The following FBXL13 variants were observed in gnomAD, a reference collection of about 807,000 sequenced individuals.
FBXL13 encodes the protein F-box and leucine rich repeat protein 13.
In FBXL13, 67 loss-of-function variants were observed where a neutral mutation model predicts 83.6. That is an observed-to-expected ratio of 0.80 (90% CI 0.66 to 0.98). The LOEUF (loss-of-function observed/expected upper bound fraction) is 0.98, where lower values mean the gene tolerates loss of function less well. FBXL13 is among the 50% of genes least tolerant of loss of function. The pLI, the probability that FBXL13 is intolerant of heterozygous loss-of-function variation, is 0.00. For synonymous variants in FBXL13, 272 were observed against 299.5 expected, an observed-to-expected ratio of 0.91 and a Z score of 0.95; for missense variants, 822 against 866.5, an observed-to-expected ratio of 0.95 and a Z score of 0.64.
intron 16 of FBXL13, among the ~76,000 whole-genome samples, chr7:102,867,695 A>ATATATATATTT (rs1239781180): frequency 4.1e-5 from 2 of 49,078 alleles, no homozygotes; most frequent in African/African-American, 2.4e-4. Context: ...ATATATATAT[A>ATATATATATTT]TTTTTTTTTT....
chr7:102,923,046 AT>A (rs980241879), intron 10 of FBXL13, among the ~76,000 whole-genome samples: 30 of 152,150 alleles, frequency 2.0e-4, no homozygotes, highest in Admixed American at 2.6e-4. Context: ...TCCAATATGA[AT>A]TTTTTTATTA....
chr7:103,006,778 C>T (rs954253726), intron 6 of FBXL13, among the ~76,000 whole-genome samples: 3 of 151,664 alleles, frequency 2.0e-5, no homozygotes, highest in Admixed American at 6.6e-5. Flanking sequence ...AATAGAAACA[C>T]ACAGAGAAAT....
intron 8 of FBXL13, among the ~76,000 whole-genome samples, chr7:102,932,194 C>A (rs1288958651): frequency 6.6e-6 from 1 of 152,130 alleles, no homozygotes; most frequent in Non-Finnish European, 1.5e-5. Flanking sequence ...GGGAAAAACA[C>A]TATATACTTA....
At chr7:102,885,402 A>G (rs541590006) in intron 11 of FBXL13, among the ~76,000 whole-genome samples, 1 of 150,728 alleles carries the variant, frequency 6.6e-6, no homozygotes, top group Non-Finnish European at 1.5e-5. Context: ...CTTGCTAGCC[A>G]TTGGTATGTC....
intron 17 of FBXL13, among the ~76,000 whole-genome samples, chr7:102,840,917 CTG>C (rs1802819861): frequency 6.6e-6 from 1 of 152,136 alleles, no homozygotes; most frequent in East Asian, 1.9e-4. Context: ...TGGCTTTTGT[CTG>C]TGAACCAGAG....
chr7:102,986,370 C>T (rs181990568), intron 6 of FBXL13, among the ~76,000 whole-genome samples: 1 of 152,278 alleles, frequency 6.6e-6, no homozygotes, highest in East Asian at 1.9e-4. Flanking sequence ...GCCACATTCC[C>T]ATGTAGACCT....
At chr7:102,898,382 C>A (rs1812533501) in intron 11 of FBXL13, among the ~76,000 whole-genome samples, 1 of 152,058 alleles carries the variant, frequency 6.6e-6, no homozygotes, top group Admixed American at 6.6e-5. Context: ...ATTCTGTCAC[C>A]CAGGCTGCAG....
chr7:102,862,666 G>A (rs1807039699), intron 16 of FBXL13, among the ~76,000 whole-genome samples: 1 of 152,186 alleles, frequency 6.6e-6, no homozygotes, highest in Admixed American at 6.5e-5. Flanking sequence ...TATATACATA[G>A]ATGAACAGTT....
chr7:102,944,063 G>A, intron 8 of FBXL13: 4 of 631,452 alleles, frequency 6.3e-6, no homozygotes, highest in Non-Finnish European at 1.0e-5. Context: ...TAAAGTAAAA[G>A]CTCTGAGAAA....
intron 6 of FBXL13, among the ~76,000 whole-genome samples, chr7:102,980,085 CA>C (rs2129483309): frequency 6.6e-6 from 1 of 152,284 alleles, no homozygotes; most frequent in African/African-American, 2.4e-5. Flanking sequence ...ATAAAAATTT[CA>C]AAGGCTTTTT....
chr7:102,980,047 A>C (rs1827990816), intron 6 of FBXL13, among the ~76,000 whole-genome samples: 1 of 152,244 alleles, frequency 6.6e-6, no homozygotes, highest in Non-Finnish European at 1.5e-5. Flanking sequence ...TACTATCTAA[A>C]GTGATCTATA....
chr7:102,929,626 T>A (rs1818792170), intron 9 of FBXL13, among the ~76,000 whole-genome samples: 1 of 135,920 alleles, frequency 7.4e-6, no homozygotes, highest in Admixed American at 8.5e-5. Flanking sequence ...ATGGCACCAC[T>A]GCACTCCAGC....
Position 102,835,937 on chromosome 7 carries a change from A to G in FBXL13, c.1720-2963T>C, listed in dbSNP as rs1801897250. On this transcript the variant is annotated intron_variant, in intron 17 of 19. Transcript: ENST00000313221. ...ACATTGTTTTTCCCTTGTTAGAGAC[A>G]TTAACATTGTTAGAGAGAATGGACA... 2.6e-5 allele frequency among the ~76,000 whole-genome samples: 4 copies of G among 152,314 alleles called. No homozygotes were observed. In the South Asian group the frequency reaches 8.3e-4, roughly 32 times the overall value.
intron 19 of FBXL13, among the ~76,000 whole-genome samples, chr7:102,819,890 C>G (rs985361117): frequency 4.6e-5 from 7 of 152,184 alleles, no homozygotes; most frequent in Admixed American, 4.6e-4. Flanking sequence ...AAATGCAAAA[C>G]GAAGCTGCTC....
At chr7:102,819,390 A>G (rs1304812133) in intron 19 of FBXL13, among the ~76,000 whole-genome samples, 7 of 152,136 alleles carry the variant, frequency 4.6e-5, no homozygotes, top group Non-Finnish European at 1.5e-5. Context: ...AATGCCAGCC[A>G]TATCTTCTGC....
chr7:102,835,552 T>A (rs1801731344), intron 17 of FBXL13, among the ~76,000 whole-genome samples: 1 of 151,752 alleles, frequency 6.6e-6, no homozygotes, highest in Non-Finnish European at 1.5e-5. Flanking sequence ...AATTAAGAAG[T>A]CTCTTTTAAT....
chr7:102,956,824 C>T (rs1271943773), intron 8 of FBXL13, among the ~76,000 whole-genome samples: 1 of 152,114 alleles, frequency 6.6e-6, no homozygotes, highest in Non-Finnish European at 1.5e-5. Flanking sequence ...ATACAACTTA[C>T]AAGGGATGTG....
chr7:102,975,656 T>G (rs930557163), intron 6 of FBXL13, among the ~76,000 whole-genome samples: 1 of 152,184 alleles, frequency 6.6e-6, no homozygotes, highest in Non-Finnish European at 1.5e-5. Context: ...ACTGAAGCCA[T>G]GAGAAAATAT....
At chr7:103,032,362 T>C (rs1263540640) in intron 2 of FBXL13, among the ~76,000 whole-genome samples, 2 of 152,176 alleles carry the variant, frequency 1.3e-5, no homozygotes, top group African/African-American at 4.8e-5. Context: ...CATCATGACA[T>C]TTCATCCCCC....
Sources: allele counts gnomAD v4.1 joint callset (sites outside exome capture counted in the v4.1 genomes callset), GRCh38; gene constraint gnomAD v4.1.1; transcripts MANE v1.5; gene names NCBI Gene and HGNC (gene_info 2026-07-23, HGNC 2026-07-21).